The following EYS variants were observed in gnomAD, a reference collection of about 807,000 sequenced individuals.
EYS encodes the protein EGF-like photoreceptor maintenance factor.
EYS carries 250 observed loss-of-function variants against 282.1 expected under a neutral mutation model. The ratio of observed to expected loss-of-function variants is 0.89; its 90% confidence interval spans 0.80 to 0.98. The LOEUF (loss-of-function observed/expected upper bound fraction) is 0.98, where lower values mean the gene tolerates loss of function less well. EYS is among the 50% of genes least tolerant of loss of function. The pLI is 0.00. For missense variants in EYS, 4,016 were observed against 3,709.0 expected, an observed-to-expected ratio of 1.08 and a Z score of -2.15; for synonymous variants, 1,355 against 1,282.9, an observed-to-expected ratio of 1.06 and a Z score of -1.20.
chr6:64,088,070 A>G (rs909494222), intron 31 of EYS, among the ~76,000 whole-genome samples: 4 of 152,084 alleles, frequency 2.6e-5, no homozygotes, highest in African/African-American at 9.7e-5. Flanking sequence ...ATTATAAGCA[A>G]TAAACATTTG....
rs535314794 is a variant in EYS, at chr6:65,565,542, AT to A, written c.-332-69550del. On this transcript the variant is annotated intron_variant, in intron 2 of 42. Coordinates refer to ENST00000503581, the MANE Select transcript of EYS (RefSeq NM_001142800.2). Reference sequence around the variant, plus strand: ...AACCATTGTGGAAGACAGTGTGGCAATTCCTCAAGGATCTAGAACCAGAAAT... The same window carrying A: ...AACCATTGTGGAAGACAGTGTGGCAATCCTCAAGGATCTAGAACCAGAAAT... Among the ~76,000 whole-genome samples the A allele has an allele frequency of 5.1e-3, 770 of 152,216 alleles. 4 individuals are homozygous for A. The highest frequency in any genetic ancestry group is 0.017 in the African/African-American group (699 of 41,530).
intron 29 of EYS, among the ~76,000 whole-genome samples, chr6:64,349,784 TA>T (rs534787321): frequency 1.8e-4 from 27 of 151,668 alleles, no homozygotes; most frequent in Middle Eastern, 3.4e-3. Flanking sequence ...AATTATTCAA[TA>T]ACAATATTTA....
intron 21 of EYS, among the ~76,000 whole-genome samples, chr6:64,819,185 T>C (rs547658012): frequency 6.6e-6 from 1 of 152,090 alleles, no homozygotes; most frequent in African/African-American, 2.4e-5. Context: ...GTAAGTAAGA[T>C]AGAGAGAGAT....
chr6:65,109,732 C>T lies in EYS; in HGVS notation c.2024-52005G>A, dbSNP rs572235666. ...GAGCACTGCTTGTACTGTCCTTAGACGTAGTCCAAAGCCCACAGTGACAGT... is the reference window on the plus strand; with the variant it reads ...GAGCACTGCTTGTACTGTCCTTAGATGTAGTCCAAAGCCCACAGTGACAGT... On this transcript the variant is annotated intron_variant, in intron 12 of 42. Transcript: ENST00000503581. Among the ~76,000 whole-genome samples the T allele has an allele frequency of 1.4e-4, 22 of 151,842 alleles. No individual in the cohort carries two copies. The South Asian group carries it at 4.4e-3, about 30-fold the overall frequency.
intron 12 of EYS, among the ~76,000 whole-genome samples, chr6:65,248,461 T>C (rs1449858999): frequency 6.6e-6 from 1 of 152,014 alleles, no homozygotes; most frequent in African/African-American, 2.4e-5. Context: ...TGTCATATTT[T>C]CCCCACAGTG....
chr6:64,705,595 A>C (rs1419633573), intron 22 of EYS, among the ~76,000 whole-genome samples: 7 of 151,936 alleles, frequency 4.6e-5, no homozygotes, highest in African/African-American at 1.7e-4. Context: ...CAACAATGAT[A>C]GACTGGGTTA....
chr6:64,700,380 C>T (rs1226188955), intron 22 of EYS, among the ~76,000 whole-genome samples: 1 of 151,918 alleles, frequency 6.6e-6, no homozygotes, highest in Non-Finnish European at 1.5e-5. Context: ...GAAGTCTTAG[C>T]CAGAGCAATC....
At chr6:63,909,598 G>A (rs777813695) in intron 35 of EYS, among the ~76,000 whole-genome samples, 4 of 152,100 alleles carry the variant, frequency 2.6e-5, no homozygotes, top group African/African-American at 9.7e-5. Flanking sequence ...ATTGTGGTTG[G>A]GATATCAAAC....
At chr6:64,050,272 A>G (rs1185560818) in intron 33 of EYS, among the ~76,000 whole-genome samples, 2 of 150,324 alleles carry the variant, frequency 1.3e-5, no homozygotes, top group African/African-American at 4.9e-5. Context: ...AATCCCTCCC[A>G]CCCCCTGCCA....
chr6:64,005,748 G>C (rs1486939277), intron 33 of EYS, among the ~76,000 whole-genome samples: 5 of 151,876 alleles, frequency 3.3e-5, no homozygotes, highest in South Asian at 2.1e-4. Flanking sequence ...TGCTTTTTTT[G>C]TTAACTTTAT....
chr6:63,872,900 G>A (rs1462877096), intron 35 of EYS, among the ~76,000 whole-genome samples: 5 of 152,020 alleles, frequency 3.3e-5, no homozygotes, highest in Admixed American at 3.3e-4. Flanking sequence ...CAAACCCTGA[G>A]TTATACACAG....
At chr6:65,460,843 A>G (rs1764804235) in intron 5 of EYS, among the ~76,000 whole-genome samples, 2 of 152,098 alleles carry the variant, frequency 1.3e-5, no homozygotes, top group Admixed American at 1.3e-4. Context: ...CTATTCCATT[A>G]ACACGATGCA....
At chr6:64,044,453 G>A (rs894773105) in intron 33 of EYS, among the ~76,000 whole-genome samples, 2 of 152,162 alleles carry the variant, frequency 1.3e-5, no homozygotes, top group African/African-American at 2.4e-5. Flanking sequence ...GCAAAGAGCC[G>A]GGGAGCACTT....
chr6:65,426,155 A>AT (rs1380596527), intron 5 of EYS, among the ~76,000 whole-genome samples: 2 of 151,846 alleles, frequency 1.3e-5, no homozygotes, highest in Admixed American at 6.6e-5. Context: ...TTATTTTTGT[A>AT]TTTTTTGGAG....
intron 14 of EYS, among the ~76,000 whole-genome samples, chr6:64,972,970 C>T (rs1770347829): frequency 6.6e-6 from 1 of 151,960 alleles, no homozygotes; most frequent in Admixed American, 6.6e-5. Flanking sequence ...TGAGAAGAAT[C>T]ACAGGTAGAA....
intron 22 of EYS, among the ~76,000 whole-genome samples, chr6:64,709,410 T>C (rs1448545755): frequency 6.6e-6 from 1 of 152,164 alleles, no homozygotes; most frequent in African/African-American, 2.4e-5. Flanking sequence ...TAGATGACAT[T>C]ACACCTTCTT....
intron 24 of EYS, among the ~76,000 whole-genome samples, chr6:64,598,165 GA>G (rs1222536993): frequency 1.3e-5 from 2 of 152,080 alleles, no homozygotes; most frequent in African/African-American, 2.4e-5. Flanking sequence ...TGTAAATTAA[GA>G]AAAAAGAGAA....
At chr6:63,805,046 GTGTT>G (rs1215571930) in intron 37 of EYS, among the ~76,000 whole-genome samples, 10 of 151,724 alleles carry the variant, frequency 6.6e-5, no homozygotes, top group South Asian at 4.2e-4. Flanking sequence ...ACAGAAAAGA[GTGTT>G]TGGTATTAAG....
At position 63,765,970 on chromosome 6, in the gene EYS, TGAG is replaced by T. The variant is rs563107154; in HGVS notation, c.7899-3340_7899-3338del. 5.5e-3 allele frequency among the ~76,000 whole-genome samples: 835 copies of T among 152,144 alleles called. 4 individuals carry two copies. The highest frequency in any genetic ancestry group is 0.014 in the Middle Eastern group (4 of 294). ...ACAGGTGTATAGAAAATGACACAAA[TGAG>T]GAGGCACATTTTAAGAATATTGATC... is the stretch of plus-strand genomic sequence containing the variant. On this transcript the variant is annotated intron_variant, in intron 40 of 42. Transcript: ENST00000503581.
Sources: gnomAD v4.1 joint callset for allele counts (sites outside exome capture counted in the v4.1 genomes callset) on GRCh38, gnomAD v4.1.1 for gene constraint, MANE v1.5 for transcripts, NCBI Gene and HGNC (gene_info 2026-07-23, HGNC 2026-07-21) for gene names.